The following PXK variants were observed in gnomAD, a reference collection of about 807,000 sequenced individuals.
The protein encoded by PXK is PX domain containing serine/threonine kinase like.
PXK carries 35 observed loss-of-function variants against 84.7 expected under a neutral mutation model. The ratio of observed to expected loss-of-function variants is 0.41; its 90% CI spans 0.32 to 0.55. The LOEUF is 0.55. Among genes scored for constraint, PXK ranks in the 20% least tolerant of loss-of-function variants. PXK has a pLI of 0.21. For missense variants in PXK, 634 were observed against 699.7 expected (o/e 0.91, Z 1.06); for synonymous variants, 253 against 260.8 (o/e 0.97, Z 0.29).
At chr3:58,406,949 A>G (rs2059502703) in intron 13 of PXK, among the ~76,000 whole-genome samples, 1 of 152,108 alleles carries the variant, frequency 6.6e-6, no homozygotes, top group South Asian at 2.1e-4. Context: ...CACTTTTTTT[A>G]TCCATTCATC....
intron 12 of PXK, among the ~76,000 whole-genome samples, chr3:58,403,165 C>T (rs1020670762): frequency 2.6e-5 from 4 of 151,916 alleles, no homozygotes; most frequent in Admixed American, 1.3e-4. Context: ...CCACCACACC[C>T]GGCTAATTTT....
intron 3 of PXK, among the ~76,000 whole-genome samples, chr3:58,380,127 A>G (rs2098483934): frequency 6.6e-6 from 1 of 152,210 alleles, no homozygotes; most frequent in Non-Finnish European, 1.5e-5. Context: ...ATAAAAGGCC[A>G]AATAACTTAA....
chr3:58,413,626 A>C (rs1179128982), intron 17 of PXK: 1 of 152,036 alleles, frequency 6.6e-6, no homozygotes, highest in Non-Finnish European at 1.5e-5. Flanking sequence ...TTATTTTTGA[A>C]CCAAGATGTC....
At chr3:58,403,548 G>A (rs949336766) in intron 12 of PXK, among the ~76,000 whole-genome samples, 11 of 152,100 alleles carry the variant, frequency 7.2e-5, no homozygotes, top group African/African-American at 2.4e-4. Context: ...TATTATTTGC[G>A]ATATTTTTGC....
intron 1 of PXK, among the ~76,000 whole-genome samples, chr3:58,347,427 T>C (rs771646263): frequency 6.6e-6 from 1 of 152,234 alleles, no homozygotes; most frequent in Non-Finnish European, 1.5e-5. Flanking sequence ...CTGATCTGCT[T>C]TCTGTTACTA....
intron 1 of PXK, 43 bp from the exon 2 acceptor site, chr3:58,365,831 C>A: frequency 7.1e-7 from 1 of 1,411,238 alleles, no homozygotes; most frequent in Non-Finnish European, 9.5e-7. Context: ...GGGAATCAAA[C>A]TCAGTTTTAT....
At chr3:58,380,978 G>C (rs938421107) in intron 3 of PXK, among the ~76,000 whole-genome samples, 13 of 152,282 alleles carry the variant, frequency 8.5e-5, no homozygotes, top group African/African-American at 2.9e-4. Flanking sequence ...GCCAGGCGCG[G>C]TGGCTCACGC....
chr3:58,366,575 T>C (rs1020277578), intron 2 of PXK, among the ~76,000 whole-genome samples: 1 of 152,160 alleles, frequency 6.6e-6, no homozygotes, highest in African/African-American at 2.4e-5. Flanking sequence ...ACACTTCTTC[T>C]CTCCCAAAAA....
intron 13 of PXK, 110 bp from the exon 14 acceptor site, chr3:58,408,814 G>C: frequency 1.2e-6 from 1 of 809,864 alleles, no homozygotes; most frequent in Non-Finnish European, 2.1e-6. Context: ...GAGCCACCGC[G>C]CCCGGCCGAA....
intron 1 of PXK, among the ~76,000 whole-genome samples, chr3:58,356,324 G>A (rs987428783): frequency 6.6e-6 from 1 of 152,158 alleles, no homozygotes; most frequent in South Asian, 2.1e-4. Context: ...GCTGAAATCC[G>A]TCTGACTCAG....
At position 58,412,630 on chromosome 3, in the gene PXK, G is replaced by C. The variant is rs1400848565; in HGVS notation, c.1466-271G>C. ...ACTGCAGCCAATTGCCTAAGCTGTT[G>C]ATGGTGCAAAGTTTCAAACCAGGCA... On this transcript the variant is annotated intron_variant, in intron 16 of 17. Transcript: ENST00000356151. This position sits in a 1 kb window ranked among gnomAD's most constrained non-coding sequence, Gnocchi z 6.2. Among the ~76,000 whole-genome samples the C allele has an allele frequency of 2.6e-5, 4 of 152,200 alleles. No homozygotes were observed. Among genetic ancestry groups the C allele is most frequent in the African/African-American group, 9.6e-5 (4 of 41,454 alleles).
intron 17 of PXK, chr3:58,423,441 G>A: frequency 6.6e-7 from 1 of 1,526,094 alleles, no homozygotes; most frequent in Non-Finnish European, 8.8e-7. Context: ...GTGTGTATTT[G>A]TGTGATTCTT....
chr3:58,352,501 G>A (rs1484124861), intron 1 of PXK, among the ~76,000 whole-genome samples: 3 of 152,124 alleles, frequency 2.0e-5, no homozygotes, highest in Admixed American at 2.0e-4. Context: ...GACATTGTGA[G>A]GATTATTGAA....
intron 6 of PXK, among the ~76,000 whole-genome samples, chr3:58,391,444 A>C (rs947423472): frequency 7.9e-5 from 12 of 152,144 alleles, no homozygotes; most frequent in African/African-American, 2.9e-4. Flanking sequence ...AAGAAACAAG[A>C]ACAGCTTAAA....
At position 58,395,466 on chromosome 3, in the gene PXK, A is replaced by G. The variant is rs367696716; in HGVS notation, c.721-192A>G. ...AGACCAGGCACATCTTCACTGGGCT[A>G]GAGAAGGGATGGAACCTGGGTCAGC... On this transcript the variant is annotated intron_variant, in intron 8 of 17. Coordinates refer to ENST00000356151, the MANE Select transcript of PXK (RefSeq NM_017771.5). Among the ~76,000 whole-genome samples, 44 of 152,358 alleles carry G rather than the reference A, an allele frequency of 2.9e-4. No homozygotes were observed. The South Asian group carries it at 3.7e-3, about 13-fold the overall frequency.
Position 58,397,490 on chromosome 3 carries a change from A to T in PXK, c.985-115A>T. ...CTTTGGAGTTGCATTTACGTTACCA[A>T]TTAGGAACGGGGCTATCCCTGGGCT... On this transcript the variant is annotated intron_variant, in intron 10 of 17. Transcript: ENST00000356151. This position sits in a 1 kb window ranked among gnomAD's most constrained non-coding sequence, Gnocchi z 4.7. The T allele has an allele frequency of 1.1e-6, 1 of 940,202 alleles. No homozygotes were observed. 58.2% of individuals were successfully genotyped at this position (940,202 alleles called of 1,614,324 possible).
intron 1 of PXK, among the ~76,000 whole-genome samples, chr3:58,346,010 G>C (rs986904608): frequency 1.5e-4 from 23 of 152,238 alleles, no homozygotes; most frequent in Non-Finnish European, 2.8e-4. Context: ...TCATTCAGCA[G>C]ATACTGCTGT....
At chr3:58,336,317 C>G (rs1349206641) in intron 1 of PXK, among the ~76,000 whole-genome samples, 2 of 151,934 alleles carry the variant, frequency 1.3e-5, no homozygotes, top group Non-Finnish European at 2.9e-5. Context: ...AACACAAGGT[C>G]ACCACCAGAA....
chr3:58,339,241 T>TC (rs1404967399), intron 1 of PXK, among the ~76,000 whole-genome samples: 1 of 146,882 alleles, frequency 6.8e-6, no homozygotes, highest in East Asian at 1.9e-4. Context: ...TTTTTTTGTT[T>TC]TTTTTTTTAG....
Sources: gnomAD v4.1 joint callset for allele counts (sites outside exome capture counted in the v4.1 genomes callset) on GRCh38, gnomAD v4.1.1 for gene constraint, Gnocchi (gnomAD v3.1) non-coding constraint, MANE v1.5 for transcripts, NCBI Gene and HGNC (gene_info 2026-07-23, HGNC 2026-07-21) for gene names.